Variants in RGL3 observed in about 807,000 individuals in gnomAD.
RGL3 encodes ral guanine nucleotide dissociation stimulator like 3.
Under a neutral mutation model 90.6 loss-of-function variants are expected in RGL3, and 85 were observed. That is an observed-to-expected ratio of 0.94 (90% CI 0.79 to 1.12). The LOEUF is 1.12. Among genes scored for constraint, RGL3 ranks in the 50% most tolerant of loss-of-function variants. The probability of loss-of-function intolerance (pLI) is 0.00; values close to 1 mark genes in which losing one functional copy is unlikely to be tolerated. For missense variants in RGL3, 1,034 were observed against 939.2 expected, an observed-to-expected ratio of 1.10 and a Z score of -1.32; for synonymous variants, 408 against 385.5, an observed-to-expected ratio of 1.06 and a Z score of -0.68.
At chr19:11,408,174 C>T (rs1242892977) in intron 5 of RGL3, among the ~76,000 whole-genome samples, 1 of 152,226 alleles carries the variant, frequency 6.6e-6, no homozygotes, top group East Asian at 1.9e-4. Flanking sequence ...ATTATGTTGC[C>T]AGGCTGGTCT....
rs753952361 is a variant in RGL3 at position 11,394,331 on chromosome 19, G to A, written c.*71C>T. 1 of 1,187,582 alleles carries A rather than the reference G, an allele frequency of 8.4e-7. No individual in the cohort carries two copies. Among genetic ancestry groups the A allele is most frequent in the Non-Finnish European group, 1.3e-6 (1 of 792,472 alleles). 73.6% of individuals were successfully genotyped at this position (1,187,582 alleles called of 1,614,324 possible). A position where few individuals can be genotyped will look rare whatever the true frequency, so the allele number is the denominator to read the frequency against. On this transcript the variant is annotated 3_prime_UTR_variant, in exon 19 of 19. Transcript: ENST00000380456. ...AGCACAGTGGCCTCTACTGGGGGAT[G>A]GCAGCTTTCCAGGAGAAGAGTCGCA...
chr19:11,407,319 A>G (rs1344513720), intron 5 of RGL3, among the ~76,000 whole-genome samples: 1 of 151,960 alleles, frequency 6.6e-6, no homozygotes, highest in Non-Finnish European at 1.5e-5. Flanking sequence ...AGCAACAGTA[A>G]TGTTCACTAA....
At position 11,417,631 on chromosome 19, in the gene RGL3, A is replaced by G. The variant is rs111964092; in HGVS notation, c.148-572T>C. 3.2e-4 allele frequency among the ~76,000 whole-genome samples: 49 copies of G among 151,930 alleles called. 1 individual carries two copies. The highest frequency in any genetic ancestry group is 1.2e-3 in the African/African-American group (49 of 41,446). On this transcript the variant is annotated intron_variant, in intron 2 of 18. Coordinates refer to ENST00000380456, the MANE Select transcript of RGL3 (RefSeq NM_001035223.4). Reference sequence around the variant, plus strand: ...ATTACAGGCACCCGCCACCAAGCCCAGCTAGTTTTTTCGTATTTTTAGTAG... The same window carrying G: ...ATTACAGGCACCCGCCACCAAGCCCGGCTAGTTTTTTCGTATTTTTAGTAG...
At chr19:11,416,436 T>C (rs1380458583) in intron 4 of RGL3, 178 bp downstream of exon 4, 2 of 705,364 alleles carry the variant, frequency 2.8e-6, no homozygotes, top group African/African-American at 3.5e-5. Context: ...TGACCTCCAG[T>C]GATCCACCTG....
At chr19:11,398,010 A>AAAAT (rs368884568) in intron 16 of RGL3, among the ~76,000 whole-genome samples, 10,542 of 151,778 alleles carry the variant, frequency 0.069, 959 homozygotes, top group African/African-American at 0.21. Flanking sequence ...CTCCATCTCA[A>AAAAT]AAATAAATAA....
chr19:11,418,964 C>T (rs1240458876), intron 1 of RGL3, 180 bp from the exon 2 acceptor site: 1 of 620,752 alleles, frequency 1.6e-6, no homozygotes. Context: ...GGGTCCCCTC[C>T]TCCCAGGTCC....
chr19:11,400,881 A>C (rs1968663958), intron 13 of RGL3, among the ~76,000 whole-genome samples: 1 of 150,656 alleles, frequency 6.6e-6, no homozygotes, highest in Admixed American at 6.6e-5. Flanking sequence ...ATAAATAAAT[A>C]AATAAATAAA....
intron 2 of RGL3, 78 bp from the exon 3 acceptor site, chr19:11,417,137 A>G: frequency 1.0e-6 from 1 of 1,004,102 alleles, no homozygotes; most frequent in African/African-American, 1.7e-5. Context: ...ATTCATCACT[A>G]GCACCACTCT....
In RGL3 at chr19:11,402,713, G is replaced by T; in HGVS notation, c.1186-7C>A. On this transcript the variant is annotated splice_polypyrimidine_tract_variant and splice_region_variant and intron_variant, in intron 9 of 18. Coordinates refer to ENST00000380456, the MANE Select transcript of RGL3 (RefSeq NM_001035223.4). ...ATCCCTCAGTGGCCTCCTCCTGAGG[G>T]AAGAGAAAAACTGAGCCAGGTCTGG... 6.2e-7 allele frequency: 1 copy of T among 1,612,218 alleles called. No individual in the cohort carries two copies. The highest frequency in any genetic ancestry group is 8.5e-7 in the Non-Finnish European group (1 of 1,179,408).
intron 18 of RGL3, among the ~76,000 whole-genome samples, chr19:11,394,968 C>A (rs887160133): frequency 6.6e-6 from 1 of 151,820 alleles, no homozygotes. Context: ...TGGCACATGC[C>A]TGTAATCCCA....
chr19:11,399,888 C>T lies in RGL3; in HGVS notation c.1713G>A (p.Pro571=), dbSNP rs1260748440. ...RSRDAPAGSP[P]ASPGPQGPST... The stretch of plus-strand genomic sequence containing the variant: ...TGGGGCCCTGGGGCCCTGGAGAGGC[C>T]GGGGGACTGCCAGCAGGAGCATCTC... Residue 571 remains proline, a synonymous_variant, in exon 16 of 19, where the codon CCG becomes CCA. Coordinates refer to ENST00000380456, the MANE Select transcript of RGL3 (RefSeq NM_001035223.4). 15 of 1,516,300 alleles carry T rather than the reference C, an allele frequency of 9.9e-6. No homozygotes were observed. The highest frequency in any genetic ancestry group is 2.7e-5 in the South Asian group (2 of 75,344). The allele number at this position is 1,516,300 out of a possible 1,614,324, so 93.9% of individuals were successfully genotyped here.
chr19:11,405,104 A>C, intron 9 of RGL3, 43 bp downstream of exon 9: 6 of 1,562,132 alleles, frequency 3.8e-6, no homozygotes, highest in Non-Finnish European at 5.3e-6. Flanking sequence ...CCCTCCCCCG[A>C]CTTCCCGGGC....
chr19:11,397,934 G>A (rs1209084612), intron 16 of RGL3, among the ~76,000 whole-genome samples: 2 of 152,074 alleles, frequency 1.3e-5, no homozygotes, highest in Admixed American at 6.6e-5. Flanking sequence ...ACTTGAACTT[G>A]AGAGGCAGAG....
chr19:11,417,835 T>G (rs1265004050), intron 2 of RGL3, among the ~76,000 whole-genome samples: 1 of 151,626 alleles, frequency 6.6e-6, no homozygotes, highest in African/African-American at 2.4e-5. Context: ...TTTTGGTTTG[T>G]TTTTTTTAGA....
At chr19:11,416,353 C>G (rs1245819905) in intron 4 of RGL3, 1 of 617,688 alleles carries the variant, frequency 1.6e-6, no homozygotes, top group African/African-American at 1.9e-5. Context: ...CACCCAGCTA[C>G]CTTTTTTTGT....
intron 18 of RGL3, among the ~76,000 whole-genome samples, chr19:11,395,709 C>A (rs1405162089): frequency 6.6e-6 from 1 of 152,000 alleles, no homozygotes; most frequent in Non-Finnish European, 1.5e-5. Flanking sequence ...CTCACTGCAA[C>A]CTTCACCTCC....
chr19:11,405,565 TG>T (rs1391475875), intron 7 of RGL3, 139 bp from the exon 8 acceptor site: 1 of 667,336 alleles, frequency 1.5e-6, no homozygotes, highest in Non-Finnish European at 2.4e-6. Context: ...TGGCCCAGGC[TG>T]GAGTGCAGTG....
chr19:11,416,219 T>A, intron 4 of RGL3, 71 bp from the exon 5 acceptor site: 11 of 234,002 alleles, frequency 4.7e-5, no homozygotes, highest in Non-Finnish European at 5.0e-5. Context: ...CTGGTACCTT[T>A]TTTTTTTTTT....
chr19:11,402,922 A>G (rs1968706039), intron 9 of RGL3, among the ~76,000 whole-genome samples: 1 of 152,066 alleles, frequency 6.6e-6, no homozygotes, highest in African/African-American at 2.4e-5. Flanking sequence ...ACCCTGGCCA[A>G]TATGGTGAAA....
Sources: gnomAD v4.1 joint callset for allele counts (sites outside exome capture counted in the v4.1 genomes callset) on GRCh38, gnomAD v4.1.1 for gene constraint, MANE v1.5 for transcripts, NCBI Gene and HGNC (gene_info 2026-07-23, HGNC 2026-07-21) for gene names.